The following PSD3 variants were observed in gnomAD, a reference collection of about 807,000 sequenced individuals.
PSD3 encodes the protein PH and SEC7 domain-containing protein 3.
In PSD3, 49 loss-of-function variants were observed where a neutral mutation model predicts 105.5. The ratio of observed to expected loss-of-function variants is 0.46; its 90% CI spans 0.37 to 0.59. The LOEUF is 0.59. PSD3 is among the 20% of genes least tolerant of loss of function. The pLI is 0.00. For missense variants in PSD3, 1,561 were observed against 1,263.8 expected, an observed-to-expected ratio of 1.24 and a Z score of -3.57; for synonymous variants, 557 against 457.8, an observed-to-expected ratio of 1.22 and a Z score of -2.77.
intron 4 of PSD3, among the ~76,000 whole-genome samples, chr8:18,830,829 C>T (rs1255978571): frequency 6.6e-6 from 1 of 152,162 alleles, no homozygotes; most frequent in African/African-American, 2.4e-5. Context: ...ATTCTTTCAA[C>T]CTAAACCATC....
chr8:19,005,912 A>G (rs1826655591), intron 1 of PSD3, among the ~76,000 whole-genome samples: 1 of 152,040 alleles, frequency 6.6e-6, no homozygotes, highest in African/African-American at 2.4e-5. Flanking sequence ...TAGTATGTGA[A>G]TATCTCAATA....
chr8:18,741,300 CTGAA>C (rs1804554944), intron 9 of PSD3, among the ~76,000 whole-genome samples: 1 of 152,114 alleles, frequency 6.6e-6, no homozygotes, highest in Non-Finnish European at 1.5e-5. Context: ...AAAGTGGACT[CTGAA>C]AGCCTCCTTA....
At position 18,871,636 on chromosome 8, in the gene PSD3, C is replaced by G. The variant is rs1180549718; in HGVS notation, c.1228G>C (p.Asp410His). The change falls in exon 3 of 16, where the codon GAC becomes CAC. Residue 410 changes from aspartate to histidine, a missense_variant. Transcript: ENST00000327040. The stretch of plus-strand genomic sequence containing the variant: ...ACTATGGGAGCTCACCTTTCCCTGT[C>G]TCTCTCTGGTTTAGGTGTCTTCTCA... ...HLEKTPKPER[D>H]RERISEQEEH... 1 of 1,602,292 alleles carries G rather than the reference C, an allele frequency of 6.2e-7. No individual in the cohort carries two copies. Among genetic ancestry groups the G allele is most frequent in the South Asian group, 1.1e-5 (1 of 88,770 alleles).
At chr8:18,901,068 C>T (rs7828455) in intron 2 of PSD3, among the ~76,000 whole-genome samples, 7,142 of 152,134 alleles carry the variant, frequency 0.047, 204 homozygotes, top group Admixed American at 0.081. Flanking sequence ...TTTTGATAAA[C>T]TTTAACTTTT....
intron 10 of PSD3, 28 bp downstream of exon 10, chr8:18,655,614 T>C: frequency 6.2e-7 from 1 of 1,609,118 alleles, no homozygotes; most frequent in Non-Finnish European, 8.5e-7. Context: ...TAGTTCATTA[T>C]TAAAAGGCTG....
At chr8:18,619,319 C>T (rs1805938055) in intron 11 of PSD3, among the ~76,000 whole-genome samples, 1 of 152,154 alleles carries the variant, frequency 6.6e-6, no homozygotes, top group Non-Finnish European at 1.5e-5. Context: ...AAAACAGACT[C>T]TGTGTGGCAA....
chr8:18,751,257 A>G (rs1248651542), intron 9 of PSD3, among the ~76,000 whole-genome samples: 2 of 152,338 alleles, frequency 1.3e-5, no homozygotes, highest in African/African-American at 4.8e-5. Flanking sequence ...TGGGGGACCC[A>G]GTACACCCTC....
chr8:18,991,240 A>C (rs114763615), intron 1 of PSD3, among the ~76,000 whole-genome samples: 2,192 of 152,198 alleles, frequency 0.014, 68 homozygotes, highest in African/African-American at 0.05. Flanking sequence ...TCAGTGGTAA[A>C]AATACACAAA....
chr8:18,971,401 A>C (rs1410308235), intron 1 of PSD3, among the ~76,000 whole-genome samples: 3 of 152,148 alleles, frequency 2.0e-5, no homozygotes, highest in Non-Finnish European at 4.4e-5. Flanking sequence ...TGGACCCTGA[A>C]TACTGTCATG....
intron 9 of PSD3, 94 bp from the exon 10 acceptor site, chr8:18,655,779 T>G (rs1033645545): frequency 8.2e-7 from 1 of 1,220,452 alleles, no homozygotes; most frequent in Non-Finnish European, 1.2e-6. Context: ...CATAAAAGGA[T>G]AGGCACGAAG....
intron 9 of PSD3, chr8:18,683,921 C>G: frequency 2.6e-6 from 2 of 762,780 alleles, no homozygotes; most frequent in Non-Finnish European, 4.8e-6. Flanking sequence ...GGACACTATT[C>G]ACGCCAATCA....
chr8:18,603,836 G>A (rs1014381889), intron 11 of PSD3, among the ~76,000 whole-genome samples: 1 of 152,162 alleles, frequency 6.6e-6, no homozygotes, highest in Non-Finnish European at 1.5e-5. Context: ...TTGAAGCCCT[G>A]TTCCCCCTTC....
chr8:18,724,573 T>C (rs1219315317), intron 9 of PSD3, among the ~76,000 whole-genome samples: 2 of 151,890 alleles, frequency 1.3e-5, no homozygotes, highest in South Asian at 2.1e-4. Flanking sequence ...GATCACTCCA[T>C]TGTACTCCAG....
At chr8:18,821,622 A>AAC (rs1362217093) in intron 4 of PSD3, among the ~76,000 whole-genome samples, 1 of 151,520 alleles carries the variant, frequency 6.6e-6, no homozygotes, top group Non-Finnish European at 1.5e-5. Flanking sequence ...AGCTAATTCA[A>AAC]ACACTGCTGC....
intron 15 of PSD3, among the ~76,000 whole-genome samples, chr8:18,544,315 G>A (rs1352294434): frequency 6.6e-6 from 1 of 151,928 alleles, no homozygotes; most frequent in Admixed American, 6.6e-5. Flanking sequence ...TCCTTGACCA[G>A]GTGGCCCACC....
chr8:18,990,189 G>C (rs918759100), intron 1 of PSD3, among the ~76,000 whole-genome samples: 1 of 152,068 alleles, frequency 6.6e-6, no homozygotes, highest in Non-Finnish European at 1.5e-5. Flanking sequence ...TTCTTCACAG[G>C]GCATCCAGAG....
chr8:18,862,049 G>C (rs1021867871), intron 4 of PSD3, among the ~76,000 whole-genome samples: 3 of 152,160 alleles, frequency 2.0e-5, no homozygotes, highest in Non-Finnish European at 2.9e-5. Flanking sequence ...CCATGGCCGA[G>C]TGGCAGAATA....
chr8:19,071,409 T>G (rs554425971), intron 1 of PSD3, among the ~76,000 whole-genome samples: 1 of 152,296 alleles, frequency 6.6e-6, no homozygotes, highest in South Asian at 2.1e-4. Flanking sequence ...CCAGCTCCCC[T>G]TTCTTCCTGC....
intron 9 of PSD3, among the ~76,000 whole-genome samples, chr8:18,711,387 G>C (rs1802243602): frequency 6.6e-6 from 1 of 152,158 alleles, no homozygotes; most frequent in African/African-American, 2.4e-5. Context: ...CTGTCTTCAA[G>C]AGACCCATCT....
Sources: allele counts gnomAD v4.1 joint callset (sites outside exome capture counted in the v4.1 genomes callset), GRCh38; gene constraint gnomAD v4.1.1; transcripts MANE v1.5; gene names NCBI Gene and HGNC (gene_info 2026-07-23, HGNC 2026-07-21).